Variants in SACM1L observed in about 807,000 individuals in gnomAD.
SACM1L encodes SAC1 like phosphatidylinositide phosphatase, also known as phosphatidylinositol-3-phosphatase SAC1.
SACM1L carries 32 observed loss-of-function variants against 89.5 expected under a neutral mutation model. The ratio of observed to expected loss-of-function variants is 0.36; its 90% CI spans 0.27 to 0.48. The LOEUF is 0.48. SACM1L is among the 20% of genes least tolerant of loss of function. SACM1L has a pLI of 0.99. For synonymous variants in SACM1L, 213 were observed against 232.8 expected (o/e 0.92, Z 0.77); for missense variants, 543 against 708.5 (o/e 0.77, Z 2.65).
At chr3:45,689,777 G>GT in intron 1 of SACM1L, 1 of 580,230 alleles carries the variant, frequency 1.7e-6, no homozygotes. Context: ...CGGGGTCGGC[G>GT]TTATGATGCG....
Position 45,739,472 on chromosome 3 carries a change from G to A in SACM1L, c.1570-115G>A, listed in dbSNP as rs1699270914. 5.7e-6 allele frequency: 5 copies of A among 881,426 alleles called. No homozygotes were observed. In the East Asian group the frequency reaches 1.2e-4, roughly 21 times the overall value. 54.6% of individuals were successfully genotyped at this position (881,426 alleles called of 1,614,324 possible). ...GTTTTGTTGACAAAAGATATTAGCT[G>A]TGTATTAGCTGACAGATGAGTTTTA... On this transcript the variant is annotated intron_variant, in intron 18 of 19. Transcript: ENST00000389061.
chr3:45,733,604 A>G (rs1347309165), intron 13 of SACM1L, among the ~76,000 whole-genome samples: 2 of 152,134 alleles, frequency 1.3e-5, no homozygotes, highest in East Asian at 1.9e-4. Context: ...TCCTGAGGTC[A>G]TGATTTGTAT....
chr3:45,706,551 C>G (rs1698399777), intron 3 of SACM1L, among the ~76,000 whole-genome samples: 1 of 152,046 alleles, frequency 6.6e-6, no homozygotes, highest in African/African-American at 2.4e-5. Context: ...AAAGCTTTTG[C>G]TTTTATCTTT....
chr3:45,703,517 A>G lies in SACM1L; in HGVS notation c.112A>G (p.Thr38Ala), dbSNP rs1372606748. Residue 38 changes from threonine (T) to alanine (A), a missense_variant, in exon 2 of 20, where the codon ACA (threonine) becomes GCA (alanine). Transcript: ENST00000389061. Reference protein sequence around the residue: ...DDVLTIDRVSTEVTLAVKKDV... With the variant: ...DDVLTIDRVSAEVTLAVKKDV... ...CGTACTTACCATTGACCGTGTGTCC[A>G]CAGAGGTTACCCTTGCAGGTATTTT... 5 of 1,611,716 alleles carry G rather than the reference A, an allele frequency of 3.1e-6. No individual in the cohort carries two copies. Among genetic ancestry groups the G allele is most frequent in the Non-Finnish European group, 4.2e-6 (5 of 1,178,154 alleles).
chr3:45,709,570 A>G lies in SACM1L; in HGVS notation c.406A>G (p.Thr136Ala). 1.2e-6 allele frequency: 2 copies of G among 1,613,926 alleles called. No individual in the cohort carries two copies. Among genetic ancestry groups the G allele is most frequent in the Non-Finnish European group, 1.7e-6 (2 of 1,179,868 alleles). ...LNVDGFYFST[T>A]YDLTHTLQRL... ...TGTGGATGGATTTTACTTTTCAACA[A>G]CATATGATTTGACCCATACTTTGCA... is the stretch of plus-strand genomic sequence containing the variant. Residue 136 changes from threonine (T) to alanine (A), a missense_variant, in exon 5 of 20, where the codon ACA (threonine) becomes GCA (alanine). This residue lies in a region of SACM1L where 173 missense variants were observed against 180.9 expected (regional missense o/e 0.96). Coordinates refer to ENST00000389061, the MANE Select transcript of SACM1L (RefSeq NM_014016.5).
At position 45,721,198 on chromosome 3, in the gene SACM1L, A is replaced by G. The variant is rs1236202047; in HGVS notation, c.680-802A>G. ...TCAGTATAAGCATCTGCTGGAGACC[A>G]TTTGCATTATTATAACAAAATATTA... On this transcript the variant is annotated intron_variant, in intron 8 of 19. Coordinates refer to ENST00000389061, the MANE Select transcript of SACM1L (RefSeq NM_014016.5). Among the ~76,000 whole-genome samples, 6 of 152,338 alleles carry G rather than the reference A, an allele frequency of 3.9e-5. No individual in the cohort carries two copies. The East Asian group carries it at 1.2e-3, about 29-fold the overall frequency.
intron 1 of SACM1L, among the ~76,000 whole-genome samples, chr3:45,694,396 T>C (rs564809962): frequency 3.3e-4 from 51 of 152,312 alleles, no homozygotes; most frequent in Middle Eastern, 3.4e-3. Flanking sequence ...TACAGACACA[T>C]ATAATCTGTT....
At position 45,744,065 on chromosome 3, in the gene SACM1L, G is replaced by T. The variant is rs548613595; in HGVS notation, c.*396G>T. 6.4e-6 allele frequency: 1 copy of T among 157,428 alleles called. No individual in the cohort carries two copies. Among genetic ancestry groups the T allele is most frequent in the African/African-American group, 2.4e-5 (1 of 41,652 alleles). 9.8% of individuals were successfully genotyped at this position (157,428 alleles called of 1,614,324 possible). On this transcript the variant is annotated 3_prime_UTR_variant, in exon 20 of 20. Transcript: ENST00000389061. The stretch of plus-strand genomic sequence containing the variant: ...ATTTTTGTAGCTCAGTTTCATTATT[G>T]TCATTGTAGAAGCGGTCACTATTAG...
intron 1 of SACM1L, among the ~76,000 whole-genome samples, chr3:45,699,454 TA>T (rs1377399004): frequency 1.7e-5 from 2 of 119,760 alleles, no homozygotes; most frequent in East Asian, 4.6e-4. Context: ...TTTATAAATT[TA>T]TATAAATTTT....
chr3:45,710,186 G>GT (rs954963910), intron 5 of SACM1L, among the ~76,000 whole-genome samples: 7 of 149,588 alleles, frequency 4.7e-5, no homozygotes, highest in Non-Finnish European at 8.9e-5. Flanking sequence ...TCCTTTTAAG[G>GT]TTTTTTTTAT....
At chr3:45,723,072 A>C in intron 10 of SACM1L, 117 bp downstream of exon 10, 1 of 866,090 alleles carries the variant, frequency 1.2e-6, no homozygotes. Context: ...CTTTGAGGCT[A>C]TTCTTCTTGG....
chr3:45,712,086 C>T (rs1444378564), intron 5 of SACM1L, among the ~76,000 whole-genome samples: 1 of 152,040 alleles, frequency 6.6e-6, no homozygotes, highest in Non-Finnish European at 1.5e-5. Flanking sequence ...GGTACAAATT[C>T]AGGAACACAC....
intron 2 of SACM1L, among the ~76,000 whole-genome samples, chr3:45,703,856 T>C (rs1430877106): frequency 6.6e-6 from 1 of 152,200 alleles, no homozygotes; most frequent in Non-Finnish European, 1.5e-5. Flanking sequence ...TCTTTCTAGC[T>C]GTAAGATTTA....
chr3:45,732,022 G>A, intron 12 of SACM1L, 31 bp from the exon 13 acceptor site: 1 of 1,282,180 alleles, frequency 7.8e-7, no homozygotes, highest in Non-Finnish European at 1.1e-6. Context: ...ATGATCTCTG[G>A]TCGGTTTCTG....
At chr3:45,726,817 A>G (rs962378187) in intron 11 of SACM1L, among the ~76,000 whole-genome samples, 4 of 148,124 alleles carry the variant, frequency 2.7e-5, no homozygotes, top group Non-Finnish European at 4.5e-5. Flanking sequence ...TTCTTTTTTA[A>G]TGTGTGCATT....
rs1382252717 is a variant in SACM1L at position 45,727,137 on chromosome 3, G to A, written c.921+3594G>A. Among the ~76,000 whole-genome samples the A allele has an allele frequency of 2.3e-4, 5 of 21,612 alleles. 2 individuals are homozygous for A. Among genetic ancestry groups the A allele is most frequent in the Admixed American group, 7.7e-4 (2 of 2,598 alleles). The allele number at this position is 21,612 out of a possible 152,430, so 14.2% of individuals were successfully genotyped here. A position where few individuals can be genotyped will look rare whatever the true frequency, so the allele number is the denominator to read the frequency against. On this transcript the variant is annotated intron_variant, in intron 11 of 19. Coordinates refer to ENST00000389061, the MANE Select transcript of SACM1L (RefSeq NM_014016.5). Reference sequence around the variant, plus strand: ...CCTGACCTCATGATCCACCCGCCTCGGCCTCCCAAAGTGCTGGGATTACAG... The same window carrying A: ...CCTGACCTCATGATCCACCCGCCTCAGCCTCCCAAAGTGCTGGGATTACAG...
At chr3:45,718,356 A>ATT (rs1258808006) in intron 7 of SACM1L, among the ~76,000 whole-genome samples, 1 of 151,956 alleles carries the variant, frequency 6.6e-6, no homozygotes, top group Non-Finnish European at 1.5e-5. Context: ...TGGCAAAACT[A>ATT]GAAAGACAAG....
intron 3 of SACM1L, among the ~76,000 whole-genome samples, chr3:45,705,496 A>ATTTTTTTT (rs36040487): frequency 3.9e-5 from 4 of 103,200 alleles, no homozygotes; most frequent in East Asian, 2.6e-4. Flanking sequence ...TGTAAATAAA[A>ATTTTTTTT]TTTTTTTTTT....
intron 11 of SACM1L, among the ~76,000 whole-genome samples, chr3:45,725,110 C>T (rs1396107707): frequency 6.6e-6 from 1 of 152,140 alleles, no homozygotes; most frequent in Non-Finnish European, 1.5e-5. Context: ...GTTTTAAAAT[C>T]GGGAAGTGTG....
Sources: allele counts gnomAD v4.1 joint callset (sites outside exome capture counted in the v4.1 genomes callset), GRCh38; gene constraint gnomAD v4.1.1; regional missense constraint gnomAD v4.1.1; transcripts MANE v1.5; gene names NCBI Gene and HGNC (gene_info 2026-07-23, HGNC 2026-07-21).